The following DAB1 variants were observed in gnomAD, a reference collection of about 807,000 sequenced individuals.
DAB1 encodes the protein disabled homolog 1.
In DAB1, 15 loss-of-function variants were observed where a neutral mutation model predicts 64.6. The observed-to-expected ratio is 0.23, with a 90% CI of 0.16 to 0.36. The LOEUF (loss-of-function observed/expected upper bound fraction) is 0.36, where lower values mean the gene tolerates loss of function less well. Ranked by LOEUF, DAB1 falls within the 10% of genes least tolerant of loss-of-function variation. The pLI, the probability that DAB1 is intolerant of heterozygous loss-of-function variation, is 1.00. For synonymous variants in DAB1, 235 were observed against 251.9 expected (o/e 0.93, Z 0.64); for missense variants, 596 against 706.7 (o/e 0.84, Z 1.78).
At chr1:57,078,106 T>A (rs1347847514) in intron 4 of DAB1, among the ~76,000 whole-genome samples, 1 of 152,216 alleles carries the variant, frequency 6.6e-6, no homozygotes, top group Admixed American at 6.5e-5. Context: ...TACATCACGG[T>A]GCCAATGAGG....
intron 2 of DAB1, among the ~76,000 whole-genome samples, chr1:58,510,153 C>T (rs1453259375): frequency 6.6e-6 from 1 of 151,902 alleles, no homozygotes; most frequent in Non-Finnish European, 1.5e-5. Context: ...AGCCATTACC[C>T]TGATACCTAT....
chr1:58,411,084 G>C (rs1230617205), intron 3 of DAB1, among the ~76,000 whole-genome samples: 1 of 152,054 alleles, frequency 6.6e-6, no homozygotes, highest in African/African-American at 2.4e-5. Context: ...TATCCCTCAG[G>C]CCTCTGCATG....
intron 5 of DAB1, among the ~76,000 whole-genome samples, chr1:58,041,874 C>T (rs151092730): frequency 2.0e-5 from 3 of 152,380 alleles, no homozygotes; most frequent in Non-Finnish European, 4.4e-5. Context: ...TCCCTGATTG[C>T]TGGGTGATAG....
At chr1:58,077,510 A>T (rs1166928491) in intron 5 of DAB1, among the ~76,000 whole-genome samples, 2 of 152,232 alleles carry the variant, frequency 1.3e-5, no homozygotes, top group African/African-American at 4.8e-5. Context: ...GAAGAGAGAA[A>T]TAACAGGAGG....
At chr1:57,918,665 A>T (rs997555823) in intron 5 of DAB1, among the ~76,000 whole-genome samples, 1 of 152,152 alleles carries the variant, frequency 6.6e-6, no homozygotes, top group Admixed American at 6.5e-5. Flanking sequence ...TCTACTAAAA[A>T]TACAAAAAAT....
At chr1:57,640,494 A>C (rs1272468109) in intron 7 of DAB1, among the ~76,000 whole-genome samples, 1 of 152,178 alleles carries the variant, frequency 6.6e-6, no homozygotes, top group Non-Finnish European at 1.5e-5. Context: ...ACAAGAAACC[A>C]AGCCCACACA....
chr1:57,176,529 T>A (rs1257464023), intron 2 of DAB1, among the ~76,000 whole-genome samples: 1 of 152,038 alleles, frequency 6.6e-6, no homozygotes, highest in African/African-American at 2.4e-5. Flanking sequence ...CAAGATGAGA[T>A]TTGGGTGGGG....
intron 1 of DAB1, among the ~76,000 whole-genome samples, chr1:58,529,868 C>A (rs1327429228): frequency 6.6e-6 from 1 of 151,816 alleles, no homozygotes; most frequent in Non-Finnish European, 1.5e-5. Context: ...ATGCAAACAC[C>A]ATGCTTTTAT....
At chr1:57,847,878 T>A (rs2101923911) in intron 1 of DAB1, among the ~76,000 whole-genome samples, 1 of 152,322 alleles carries the variant, frequency 6.6e-6, no homozygotes, top group South Asian at 2.1e-4. Context: ...GTGCTTACAA[T>A]GCTCCAGGCA....
chr1:58,530,594 G>T, intron 1 of DAB1: 1 of 871,096 alleles, frequency 1.1e-6, no homozygotes, highest in South Asian at 1.3e-5. Flanking sequence ...TATTGTCTCA[G>T]ACTTACCTCC....
intron 4 of DAB1, among the ~76,000 whole-genome samples, chr1:58,204,579 T>G (rs987308781): frequency 6.6e-6 from 1 of 152,086 alleles, no homozygotes; most frequent in Non-Finnish European, 1.5e-5. Flanking sequence ...TGCAGCTCAA[T>G]CCTATCAGAA....
intron 4 of DAB1, among the ~76,000 whole-genome samples, chr1:57,085,819 G>A (rs768008990): frequency 3.9e-5 from 6 of 152,078 alleles, no homozygotes; most frequent in Admixed American, 6.6e-5. Context: ...AATGATTCAC[G>A]GAGTGAATAA....
chr1:58,379,685 A>C (rs56695391), intron 3 of DAB1, among the ~76,000 whole-genome samples: 14,181 of 152,310 alleles, frequency 0.093, 665 homozygotes, highest in Middle Eastern at 0.13. Context: ...TTCTTCCCCA[A>C]TGAGCTGATA....
chr1:57,021,719 G>A (rs1008394090), intron 11 of DAB1, among the ~76,000 whole-genome samples: 3 of 152,158 alleles, frequency 2.0e-5, no homozygotes, highest in Non-Finnish European at 1.5e-5. Flanking sequence ...GGTCCTCAGC[G>A]TGTTTTTAAT....
chr1:57,195,707 C>T (rs1371782222), intron 2 of DAB1, among the ~76,000 whole-genome samples: 2 of 152,218 alleles, frequency 1.3e-5, no homozygotes, highest in African/African-American at 4.8e-5. Flanking sequence ...AATTGTGTGA[C>T]TTTGGGCCAC....
chr1:57,518,182 G>A (rs1470137706), intron 7 of DAB1, among the ~76,000 whole-genome samples: 4 of 150,512 alleles, frequency 2.7e-5, no homozygotes, highest in East Asian at 1.9e-4. Context: ...CTTAATTGTC[G>A]TTGTCGTCAT....
intron 1 of DAB1, among the ~76,000 whole-genome samples, chr1:57,310,354 A>G (rs1422636825): frequency 6.6e-6 from 1 of 152,172 alleles, no homozygotes; most frequent in Non-Finnish European, 1.5e-5. Context: ...AAGCCCCAAA[A>G]ACTCTGAGGC....
chr1:57,388,481 G>A (rs753295597), intron 1 of DAB1, among the ~76,000 whole-genome samples: 1 of 151,986 alleles, frequency 6.6e-6, no homozygotes, highest in Non-Finnish European at 1.5e-5. Context: ...AATCTTCGAG[G>A]CTCCTCTGTA....
intron 5 of DAB1, among the ~76,000 whole-genome samples, chr1:58,114,977 A>G (rs1394028735): frequency 1.3e-5 from 2 of 152,214 alleles, no homozygotes; most frequent in Middle Eastern, 3.4e-3. Flanking sequence ...AGAAGACAAA[A>G]TTGACAAATG....
Sources: allele counts gnomAD v4.1 joint callset (sites outside exome capture counted in the v4.1 genomes callset), GRCh38; gene constraint gnomAD v4.1.1; transcripts MANE v1.5; gene names NCBI Gene and HGNC (gene_info 2026-07-23, HGNC 2026-07-21).